DLGAP1: variants seen among roughly 807,000 people sequenced by gnomAD.
The protein encoded by DLGAP1 is DLG associated protein 1, also known as disks large-associated protein 1.
Under a neutral mutation model 90.8 loss-of-function variants are expected in DLGAP1, and 11 were observed. The ratio of observed to expected loss-of-function variants is 0.12; its 90% CI spans 0.08 to 0.20. The LOEUF is 0.20. DLGAP1 is among the 10% of genes least tolerant of loss of function. The pLI is 1.00. For synonymous variants in DLGAP1, 558 were observed against 540.7 expected, an observed-to-expected ratio of 1.03 and a Z score of -0.44; for missense variants, 1,050 against 1,333.8, an observed-to-expected ratio of 0.79 and a Z score of 3.31.
At chr18:3,585,908 G>A (rs1192903561) in intron 7 of DLGAP1, among the ~76,000 whole-genome samples, 3 of 152,198 alleles carry the variant, frequency 2.0e-5, no homozygotes, top group African/African-American at 7.2e-5. Flanking sequence ...AGTGGGGGTG[G>A]GAGGGGCTAG....
At chr18:4,126,814 A>G (rs1168562931) in intron 2 of DLGAP1, among the ~76,000 whole-genome samples, 2 of 152,208 alleles carry the variant, frequency 1.3e-5, no homozygotes, top group Admixed American at 6.5e-5. Flanking sequence ...TAGATATCAA[A>G]GACACTTTTC....
At chr18:4,261,335 T>C (rs1598748008) in intron 1 of DLGAP1, among the ~76,000 whole-genome samples, 1 of 152,080 alleles carries the variant, frequency 6.6e-6, no homozygotes. Flanking sequence ...TGACCTGGCT[T>C]CCCCCATCCT....
rs1555623972 is a variant in DLGAP1 at position 3,674,296 on chromosome 18, A to ATAT, written c.1591+54838_1591+54839insATA. Among the ~76,000 whole-genome samples the ATAT allele has an allele frequency of 3.1e-5, 4 of 128,992 alleles. 1 individual carries two copies. Among genetic ancestry groups the ATAT allele is most frequent in the African/African-American group, 9.7e-5 (3 of 30,902 alleles). The allele number at this position is 128,992 out of a possible 152,430, so 84.6% of individuals were successfully genotyped here. ...TGAGATCTTGTCTCTATAATATTAA[A>ATAT]ATATATATATATATATGTATATTTT... On this transcript the variant is annotated intron_variant, in intron 7 of 12. Transcript: ENST00000315677.
chr18:4,357,770 T>C (rs886595638), intron 1 of DLGAP1, among the ~76,000 whole-genome samples: 1 of 152,136 alleles, frequency 6.6e-6, no homozygotes, highest in African/African-American at 2.4e-5. Context: ...GCAGCGCCTC[T>C]CCACTGATTA....
intron 2 of DLGAP1, among the ~76,000 whole-genome samples, chr18:4,094,724 A>G (rs1037323410): frequency 5.3e-5 from 8 of 151,320 alleles, no homozygotes; most frequent in Non-Finnish European, 8.8e-5. Context: ...CAACCTCCCA[A>G]GTAGCTGGGA....
intron 1 of DLGAP1, among the ~76,000 whole-genome samples, chr18:4,246,969 C>A (rs1446056754): frequency 6.6e-6 from 1 of 152,108 alleles, no homozygotes; most frequent in Middle Eastern, 3.2e-3. Flanking sequence ...GATAAGCTCT[C>A]TTATTTTATT....
chr18:4,058,174 C>A (rs2075248999), intron 2 of DLGAP1, among the ~76,000 whole-genome samples: 1 of 152,200 alleles, frequency 6.6e-6, no homozygotes, highest in African/African-American at 2.4e-5. Flanking sequence ...CTCCTGTTTT[C>A]TCTGTGTATA....
intron 2 of DLGAP1, among the ~76,000 whole-genome samples, chr18:4,111,083 C>T (rs1475909000): frequency 6.6e-6 from 1 of 152,128 alleles, no homozygotes; most frequent in Non-Finnish European, 1.5e-5. Context: ...GTGGAGGAAG[C>T]TGCCTTCCAT....
chr18:3,579,481 AT>A (rs2055361305), intron 8 of DLGAP1, among the ~76,000 whole-genome samples: 1 of 152,242 alleles, frequency 6.6e-6, no homozygotes, highest in Non-Finnish European at 1.5e-5. Context: ...AAGTGCTGGG[AT>A]TACAGGCATG....
chr18:3,647,614 T>A (rs751676777), intron 7 of DLGAP1, among the ~76,000 whole-genome samples: 4 of 151,936 alleles, frequency 2.6e-5, no homozygotes, highest in Non-Finnish European at 4.4e-5. Context: ...TACAGGTGTG[T>A]GCCACCACGC....
intron 7 of DLGAP1, among the ~76,000 whole-genome samples, chr18:3,600,875 T>G (rs1223693462): frequency 1.2e-4 from 4 of 32,744 alleles, no homozygotes; most frequent in African/African-American, 2.9e-4. Flanking sequence ...GATATATAGA[T>G]ATATAGATAG....
chr18:4,076,529 G>A (rs1249456305), intron 2 of DLGAP1, among the ~76,000 whole-genome samples: 3 of 152,076 alleles, frequency 2.0e-5, no homozygotes, highest in Non-Finnish European at 2.9e-5. Flanking sequence ...AAAGCCTAGG[G>A]TCTAGTGCTT....
intron 11 of DLGAP1, among the ~76,000 whole-genome samples, chr18:3,506,633 CTCT>C (rs1321812299): frequency 6.6e-6 from 1 of 150,410 alleles, no homozygotes; most frequent in Non-Finnish European, 1.5e-5. Flanking sequence ...AATGTTTACA[CTCT>C]TCTTCATAAT....
chr18:4,155,818 G>GT (rs1413572199), intron 1 of DLGAP1, among the ~76,000 whole-genome samples: 1 of 152,150 alleles, frequency 6.6e-6, no homozygotes, highest in Non-Finnish European at 1.5e-5. Context: ...CATGGCAGGA[G>GT]TTTGAGCTTA....
chr18:3,811,648 C>A (rs944085001), intron 5 of DLGAP1, among the ~76,000 whole-genome samples: 13 of 152,316 alleles, frequency 8.5e-5, no homozygotes, highest in Admixed American at 7.8e-4. Flanking sequence ...CTACCATCAG[C>A]CTAGCTGTCA....
chr18:4,211,396 T>C (rs537914624), intron 1 of DLGAP1, among the ~76,000 whole-genome samples: 1 of 152,312 alleles, frequency 6.6e-6, no homozygotes, highest in South Asian at 2.1e-4. Context: ...CTCTTTTCAT[T>C]AGTAAATGTT....
chr18:3,651,291 G>A (rs1280018867), intron 7 of DLGAP1, among the ~76,000 whole-genome samples: 1 of 152,104 alleles, frequency 6.6e-6, no homozygotes, highest in Non-Finnish European at 1.5e-5. Context: ...CCCAGGAGGT[G>A]GAGGTTGCAG....
At chr18:3,609,159 TCAGCCTCCCAAGTAGCTGGGACTG>T (rs1317237779) in intron 7 of DLGAP1, among the ~76,000 whole-genome samples, 77 of 152,266 alleles carry the variant, frequency 5.1e-4, no homozygotes, top group African/African-American at 1.8e-3. Context: ...TGCAGTGTCC[TCAGCCTCCCAAGTAGCTGGGACTG>T]CAGGTGTGCA....
At chr18:3,532,024 TTTGTATTTTTAATAGAAATGG>T (rs893993510) in intron 10 of DLGAP1, among the ~76,000 whole-genome samples, 5 of 151,952 alleles carry the variant, frequency 3.3e-5, no homozygotes, top group African/African-American at 1.2e-4. Context: ...CTGGCTAATT[TTTGTATTTTTAATAGAAATGG>T]TGTTTCACCA....
Sources: gnomAD v4.1 joint callset for allele counts (sites outside exome capture counted in the v4.1 genomes callset) on GRCh38, gnomAD v4.1.1 for gene constraint, MANE v1.5 for transcripts, NCBI Gene and HGNC (gene_info 2026-07-23, HGNC 2026-07-21) for gene names.